The following ZNF280B variants were observed in gnomAD, a reference collection of about 807,000 sequenced individuals.
ZNF280B encodes the protein zinc finger protein 280B.
ZNF280B carries 16 observed loss-of-function variants against 38.0 expected under a neutral mutation model. The ratio of observed to expected loss-of-function variants is 0.42; its 90% CI spans 0.28 to 0.64. The LOEUF (loss-of-function observed/expected upper bound fraction) is 0.64, where lower values mean the gene tolerates loss of function less well. ZNF280B is among the 30% of genes least tolerant of loss of function. The probability of loss-of-function intolerance (pLI) is 0.21; values close to 1 mark genes in which losing one functional copy is unlikely to be tolerated. For missense variants in ZNF280B, 581 were observed against 639.6 expected, an observed-to-expected ratio of 0.91 and a Z score of 0.99; for synonymous variants, 253 against 230.6, an observed-to-expected ratio of 1.10 and a Z score of -0.88.
chr22:22,500,277 G>C (rs2061789642), intron 2 of ZNF280B, among the ~76,000 whole-genome samples: 3 of 151,702 alleles, frequency 2.0e-5, no homozygotes, highest in Admixed American at 2.0e-4. Flanking sequence ...AAGAGATACT[G>C]GCACACCCAT....
At position 22,503,860 on chromosome 22, in the gene ZNF280B, T is replaced by C. The variant is rs1295820439; in HGVS notation, c.-187+3950A>G. Among the ~76,000 whole-genome samples the C allele has an allele frequency of 2.0e-5, 3 of 152,068 alleles. No homozygotes were observed. The East Asian group carries it at 5.9e-4, about 30-fold the overall frequency. ...TGAAAAGCTGTGAGAGCATATTCTA[T>C]GCAGACCACATAGGTCCTATCATGA... On this transcript the variant is annotated intron_variant, in intron 2 of 3. Coordinates refer to ENST00000626650, the MANE Select transcript of ZNF280B (RefSeq NM_080764.4).
chr22:22,498,884 G>A (rs1397307649), intron 2 of ZNF280B, among the ~76,000 whole-genome samples: 8 of 128,940 alleles, frequency 6.2e-5, no homozygotes, highest in East Asian at 5.1e-4. Context: ...TACAAGCTCC[G>A]CCTCCCAGGT....
At chr22:22,495,274 G>T (rs529269842) in intron 2 of ZNF280B, among the ~76,000 whole-genome samples, 200 of 151,946 alleles carry the variant, frequency 1.3e-3, no homozygotes, top group African/African-American at 4.5e-3. Context: ...CTACCTTTTT[G>T]AATTGATTTC....
chr22:22,506,610 G>A (rs1258228732), intron 2 of ZNF280B, among the ~76,000 whole-genome samples: 1 of 151,846 alleles, frequency 6.6e-6, no homozygotes, highest in East Asian at 2.0e-4. Flanking sequence ...GCAGATGGGA[G>A]ATGTGGCATC....
Position 22,488,170 on chromosome 22 carries a change from T to G in ZNF280B, c.1229A>C (p.Tyr410Ser). Residue 410 changes from tyrosine to serine, a missense_variant, in exon 4 of 4, where the codon TAT becomes TCT. Coordinates refer to ENST00000626650, the MANE Select transcript of ZNF280B (RefSeq NM_080764.4). ...TACATCAGCAAAGACCGACGATCTA[T>G]AATGGCAAACCTGGCACACATAGGG... ...EMPYVCQVCH[Y>S]RSSVFADVET... The G allele has an allele frequency of 1.9e-6, 3 of 1,613,950 alleles. No homozygotes were observed. Among genetic ancestry groups the G allele is most frequent in the Non-Finnish European group, 2.5e-6 (3 of 1,179,978 alleles).
rs970271784 is a variant in ZNF280B at position 22,485,083 on chromosome 22, T to C, written c.*2684A>G. On this transcript the variant is annotated 3_prime_UTR_variant, in exon 4 of 4. Coordinates refer to ENST00000626650, the MANE Select transcript of ZNF280B (RefSeq NM_080764.4). Reference sequence around the variant, plus strand: ...CCAGTGTGTCAAAATAGTGCATCATTGGGGAAAACAGTGGAGAAGCATGAC... The same window carrying C: ...CCAGTGTGTCAAAATAGTGCATCATCGGGGAAAACAGTGGAGAAGCATGAC... The C allele has an allele frequency of 1.3e-5, 2 of 152,142 alleles. No homozygotes were observed. Among genetic ancestry groups the C allele is most frequent in the African/African-American group, 4.8e-5 (2 of 41,320 alleles). 9.4% of individuals were successfully genotyped at this position (152,142 alleles called of 1,614,324 possible). A position where few individuals can be genotyped will look rare whatever the true frequency, so the allele number is the denominator to read the frequency against.
rs1180129955 is a variant in ZNF280B, at chr22:22,487,649, T to C, written c.*118A>G. ...TGAATCTTGTTTAAAAAGTCATATA[T>C]AATCCACTAGTTTCACTATTTTTGG... On this transcript the variant is annotated 3_prime_UTR_variant, in exon 4 of 4. Coordinates refer to ENST00000626650, the MANE Select transcript of ZNF280B (RefSeq NM_080764.4). 1 of 769,346 alleles carries C rather than the reference T, an allele frequency of 1.3e-6. No homozygotes were observed. The highest frequency in any genetic ancestry group is 1.7e-5 in the African/African-American group (1 of 57,320). 47.7% of individuals were successfully genotyped at this position (769,346 alleles called of 1,614,324 possible).
intron 2 of ZNF280B, among the ~76,000 whole-genome samples, chr22:22,504,089 A>G (rs953870570): frequency 1.3e-5 from 2 of 152,054 alleles, no homozygotes; most frequent in Non-Finnish European, 2.9e-5. Flanking sequence ...ATGGACCTAA[A>G]CACACTTGTA....
In ZNF280B at chr22:22,489,361, G is replaced by C. The variant is rs1457008822; in HGVS notation, c.38C>G (p.Pro13Arg). The C allele has an allele frequency of 1.2e-6, 2 of 1,609,530 alleles. No homozygotes were observed. Among genetic ancestry groups the C allele is most frequent in the Admixed American group, 3.4e-5 (2 of 59,090 alleles). ...TTTGGTTTCTTGTATGTTCTTCTGTGGTTCAGGCTCTTTCTCTTCCTCACA... is the reference window on the plus strand; with the variant it reads ...TTTGGTTTCTTGTATGTTCTTCTGTCGTTCAGGCTCTTTCTCTTCCTCACA... ...QSCEEEKEPE[P>R]QKNIQETKQV... is the part of the protein sequence containing the mutation. The change falls in exon 4 of 4, where the codon CCA (proline) becomes CGA (arginine). Residue 13 changes from proline (P) to arginine (R), a missense_variant. Physicochemically the swap from Pro to Arg is moderately radical, Grantham distance 103. Transcript: ENST00000626650.
At position 22,484,848 on chromosome 22, in the gene ZNF280B, AAGT is replaced by A. The variant is rs2061484578; in HGVS notation, c.*2916_*2918del. On this transcript the variant is annotated 3_prime_UTR_variant, in exon 4 of 4. Coordinates refer to ENST00000626650, the MANE Select transcript of ZNF280B (RefSeq NM_080764.4). ...GAGAGTAAAGTGCCTTTAAGAGGAA[AAGT>A]AGAAGTTTTTTTTTTTTTTTAAAGG... 1 of 152,120 alleles carries A rather than the reference AAGT, an allele frequency of 6.6e-6. No individual in the cohort carries two copies. Among genetic ancestry groups the A allele is most frequent in the Non-Finnish European group, 1.5e-5 (1 of 67,988 alleles). 9.4% of individuals were successfully genotyped at this position (152,120 alleles called of 1,614,324 possible). A position where few individuals can be genotyped will look rare whatever the true frequency, so the allele number is the denominator to read the frequency against.
chr22:22,495,977 T>G (rs942935774), intron 2 of ZNF280B, among the ~76,000 whole-genome samples: 3 of 151,482 alleles, frequency 2.0e-5, no homozygotes, highest in Non-Finnish European at 4.4e-5. Flanking sequence ...GGCGAATTTT[T>G]GTATTTTTAG....
rs1023975426 is a variant in ZNF280B at position 22,492,817 on chromosome 22, C to T, written c.-69+1246G>A. 5.3e-5 allele frequency among the ~76,000 whole-genome samples: 8 copies of T among 150,332 alleles called. 1 individual carries two copies. The highest frequency in any genetic ancestry group is 1.7e-4 in the African/African-American group (7 of 40,858). On this transcript the variant is annotated intron_variant, in intron 3 of 3. Coordinates refer to ENST00000626650, the MANE Select transcript of ZNF280B (RefSeq NM_080764.4). ...AGGAGAATCGCTTGAATCCAGGAGGCGGAGGTTGCAGTAAGCCAAGACCAC... is the reference window on the plus strand; with the variant it reads ...AGGAGAATCGCTTGAATCCAGGAGGTGGAGGTTGCAGTAAGCCAAGACCAC...
intron 2 of ZNF280B, among the ~76,000 whole-genome samples, chr22:22,498,863 T>A (rs1462390598): frequency 7.2e-6 from 1 of 138,032 alleles, no homozygotes; most frequent in Non-Finnish European, 1.5e-5. Flanking sequence ...AGTGGCGTGA[T>A]CTCGGCTCAC....
chr22:22,490,944 A>G (rs1299461964), intron 3 of ZNF280B, among the ~76,000 whole-genome samples: 1 of 151,470 alleles, frequency 6.6e-6, no homozygotes, highest in African/African-American at 2.4e-5. Flanking sequence ...TCTAACCCAC[A>G]TTCCTAATCT....
chr22:22,488,239 A>C lies in ZNF280B; in HGVS notation c.1160T>G (p.Val387Gly), dbSNP rs767110892. 49 of 1,613,766 alleles carry C rather than the reference A, an allele frequency of 3.0e-5. No individual in the cohort carries two copies. Among genetic ancestry groups the C allele is most frequent in the Non-Finnish European group, 4.0e-5 (47 of 1,179,986 alleles). ...ATGGTCCTTCATGTGTTGTAAGAGG[A>C]CCTGATCTGTTTCAAATGACAATTC... The part of the protein sequence containing the change: ...ICELSFETDQ[V>G]LLQHMKDHHK... The change falls in exon 4 of 4, where the codon GTC (valine) becomes GGC (glycine). Residue 387 changes from valine to glycine, a missense_variant. Coordinates refer to ENST00000626650, the MANE Select transcript of ZNF280B (RefSeq NM_080764.4).
At chr22:22,503,856 T>G (rs1403417445) in intron 2 of ZNF280B, among the ~76,000 whole-genome samples, 1 of 151,946 alleles carries the variant, frequency 6.6e-6, no homozygotes, top group African/African-American at 2.4e-5. Flanking sequence ...GAGAGCATAT[T>G]CTATGCAGAC....
chr22:22,508,506 C>A (rs1569189351), intron 1 of ZNF280B, among the ~76,000 whole-genome samples, 153 bp downstream of exon 1: 1 of 151,812 alleles, frequency 6.6e-6, no homozygotes, highest in Non-Finnish European at 1.5e-5. Flanking sequence ...TTCTGCCCTG[C>A]ACTCCCCCAC....
chr22:22,496,105 CTTTTT>C (rs34586676), intron 2 of ZNF280B, among the ~76,000 whole-genome samples: 3 of 114,692 alleles, frequency 2.6e-5, no homozygotes, highest in African/African-American at 3.7e-5. Context: ...TGCGCCTGGC[CTTTTT>C]TTTTTTTTTT....
rs2061513410 is a variant in ZNF280B, at chr22:22,487,258, A to G, written c.*509T>C. ...GTTCGAGACCACCCTGGGCGACATA[A>G]CAAGATTCCATCGCTACAAAAAATT... On this transcript the variant is annotated 3_prime_UTR_variant, in exon 4 of 4. Coordinates refer to ENST00000626650, the MANE Select transcript of ZNF280B (RefSeq NM_080764.4). 6.6e-6 allele frequency: 1 copy of G among 151,586 alleles called. No individual in the cohort carries two copies. Among genetic ancestry groups the G allele is most frequent in the African/African-American group, 2.4e-5 (1 of 41,202 alleles). 9.4% of individuals were successfully genotyped at this position (151,586 alleles called of 1,614,324 possible).
Sources: gnomAD v4.1 joint callset for allele counts (sites outside exome capture counted in the v4.1 genomes callset) on GRCh38, gnomAD v4.1.1 for gene constraint, MANE v1.5 for transcripts, NCBI Gene and HGNC (gene_info 2026-07-23, HGNC 2026-07-21) for gene names.